The following NPSR1 variants were observed in gnomAD, a reference collection of about 807,000 sequenced individuals.
The protein encoded by NPSR1 is neuropeptide S receptor.
NPSR1 carries 48 observed loss-of-function variants against 46.9 expected under a neutral mutation model. That is an observed-to-expected ratio of 1.02 (90% confidence interval 0.81 to 1.30). NPSR1 has a LOEUF of 1.30. Among genes scored for constraint, NPSR1 ranks in the 50% most tolerant of loss-of-function variants. The pLI is 0.00. For synonymous variants in NPSR1, 176 were observed against 168.1 expected (o/e 1.05, Z -0.36); for missense variants, 450 against 449.5 (o/e 1.00, Z -0.01).
At chr7:34,859,686 A>G (rs1028070922) in intron 8 of NPSR1, among the ~76,000 whole-genome samples, 11 of 151,906 alleles carry the variant, frequency 7.2e-5, no homozygotes, top group African/African-American at 2.7e-4. Context: ...ATGTTCTCAA[A>G]CCTGGCTGCA....
At chr7:34,730,225 T>C (rs781417124) in intron 2 of NPSR1, among the ~76,000 whole-genome samples, 12 of 152,192 alleles carry the variant, frequency 7.9e-5, no homozygotes, top group African/African-American at 1.2e-4. Flanking sequence ...CAAATATATA[T>C]AAGAACCTAG....
At chr7:34,699,558 G>A (rs1039991618) in intron 2 of NPSR1, among the ~76,000 whole-genome samples, 4 of 152,018 alleles carry the variant, frequency 2.6e-5, no homozygotes, top group East Asian at 1.9e-4. Context: ...TAACATTAGG[G>A]TGCCAGCATG....
intron 2 of NPSR1, among the ~76,000 whole-genome samples, chr7:34,704,678 G>A (rs323919): frequency 6.6e-6 from 1 of 152,300 alleles, no homozygotes; most frequent in East Asian, 1.9e-4. Flanking sequence ...GACTCAAAAG[G>A]CTGAGTGGAA....
At chr7:34,693,371 T>G (rs1793361334) in intron 2 of NPSR1, among the ~76,000 whole-genome samples, 1 of 152,126 alleles carries the variant, frequency 6.6e-6, no homozygotes. Context: ...AACACCTCTG[T>G]GCACACAAAC....
chr7:34,803,497 C>T (rs1181750138), intron 3 of NPSR1, among the ~76,000 whole-genome samples: 1 of 151,054 alleles, frequency 6.6e-6, no homozygotes, highest in Non-Finnish European at 1.5e-5. Flanking sequence ...GGTTCGCACT[C>T]ATAGGTGGGA....
chr7:34,677,526 A>G (rs1792379891), intron 1 of NPSR1, among the ~76,000 whole-genome samples: 1 of 152,192 alleles, frequency 6.6e-6, no homozygotes, highest in Non-Finnish European at 1.5e-5. Context: ...ATGTAATTTC[A>G]GTTGAAAAGG....
intron 2 of NPSR1, among the ~76,000 whole-genome samples, chr7:34,749,927 G>A (rs945305673): frequency 1.4e-4 from 22 of 152,004 alleles, no homozygotes; most frequent in East Asian, 1.3e-3. Context: ...AAATAGGGTC[G>A]GGCTGCTGTT....
chr7:34,726,829 A>C (rs1332121714), intron 2 of NPSR1, among the ~76,000 whole-genome samples: 2 of 152,166 alleles, frequency 1.3e-5, no homozygotes, highest in Admixed American at 1.3e-4. Flanking sequence ...TAAAAAAAAA[A>C]AAAAAAATCA....
chr7:34,749,560 T>A (rs1319091247), intron 2 of NPSR1, among the ~76,000 whole-genome samples: 1 of 152,160 alleles, frequency 6.6e-6, no homozygotes, highest in African/African-American at 2.4e-5. Flanking sequence ...AACAATGGAT[T>A]CAGATAATGA....
chr7:34,790,302 A>G (rs955764790), intron 3 of NPSR1, among the ~76,000 whole-genome samples: 2 of 152,148 alleles, frequency 1.3e-5, no homozygotes, highest in Admixed American at 1.3e-4. Context: ...GCAGAAAAAC[A>G]TCGTGACAAA....
chr7:34,659,601 T>C (rs1355697363), intron 1 of NPSR1, among the ~76,000 whole-genome samples: 1 of 152,182 alleles, frequency 6.6e-6, no homozygotes, highest in Non-Finnish European at 1.5e-5. Flanking sequence ...AGACTTAAAC[T>C]TCCAGGGCCC....
intron 4 of NPSR1, among the ~76,000 whole-genome samples, chr7:34,824,671 C>T (rs1789736751): frequency 6.6e-6 from 1 of 152,116 alleles, no homozygotes; most frequent in Admixed American, 6.5e-5. Flanking sequence ...CCTGTCCATC[C>T]CTCTCAAAAG....
At chr7:34,792,669 ATATATG>A (rs1787957194) in intron 3 of NPSR1, among the ~76,000 whole-genome samples, 2 of 122,060 alleles carry the variant, frequency 1.6e-5, no homozygotes, top group African/African-American at 6.2e-5. Context: ...ATATATTTAT[ATATATG>A]TATATATATA....
chr7:34,753,606 C>T (rs1192999814), intron 2 of NPSR1: 1 of 152,200 alleles, frequency 6.6e-6, no homozygotes, highest in Non-Finnish European at 1.5e-5. Context: ...GAAGCATGAA[C>T]CAGCCCAAGT....
At chr7:34,791,026 T>TATGTTATATGTTATATTATATATGTTAC (rs1216945122) in intron 3 of NPSR1, among the ~76,000 whole-genome samples, 1 of 102,340 alleles carries the variant, frequency 9.8e-6, no homozygotes, top group East Asian at 2.8e-4. Context: ...ATATATGTTA[T>TATGTTATATGTTATATTATATATGTTAC]ATGTTATATA....
intron 2 of NPSR1, among the ~76,000 whole-genome samples, chr7:34,733,770 C>A (rs1274560312): frequency 6.6e-6 from 1 of 152,186 alleles, no homozygotes; most frequent in African/African-American, 2.4e-5. Flanking sequence ...GTGGAAGTCA[C>A]AGTTTTTCCA....
At chr7:34,660,642 G>A (rs1272437699) in intron 1 of NPSR1, among the ~76,000 whole-genome samples, 3 of 152,116 alleles carry the variant, frequency 2.0e-5, no homozygotes, top group Non-Finnish European at 2.9e-5. Context: ...ACAACCATAC[G>A]TCTCATTTAC....
downstream of NPSR1, among the ~76,000 whole-genome samples, chr7:34,851,599 A>C (rs1790936611): frequency 6.6e-6 from 1 of 152,226 alleles, no homozygotes; most frequent in African/African-American, 2.4e-5. Flanking sequence ...CTGTTGCTAA[A>C]ATAGCTGGCT....
At chr7:34,802,188 C>T (rs1788454812) in intron 3 of NPSR1, among the ~76,000 whole-genome samples, 1 of 150,446 alleles carries the variant, frequency 6.6e-6, no homozygotes, top group South Asian at 2.1e-4. Context: ...CTACAAATGA[C>T]TTTCTTCACA....
Sources: allele counts gnomAD v4.1 joint callset (sites outside exome capture counted in the v4.1 genomes callset), GRCh38; gene constraint gnomAD v4.1.1; transcripts MANE v1.5; gene names NCBI Gene and HGNC (gene_info 2026-07-23, HGNC 2026-07-21).